The following KCNMA1 variants were observed in gnomAD, a reference collection of about 807,000 sequenced individuals.
KCNMA1 encodes the protein potassium calcium-activated channel subfamily M alpha 1.
KCNMA1 carries 29 observed loss-of-function variants against 140.0 expected under a neutral mutation model. That is an observed-to-expected ratio of 0.21 (90% confidence interval 0.15 to 0.28). The LOEUF (loss-of-function observed/expected upper bound fraction) is 0.28, where lower values mean the gene tolerates loss of function less well. Among genes scored for constraint, KCNMA1 ranks in the 10% least tolerant of loss-of-function variants. KCNMA1 has a pLI of 1.00. For missense variants in KCNMA1, 880 were observed against 1,602.2 expected, an observed-to-expected ratio of 0.55 and a Z score of 7.70; for synonymous variants, 612 against 611.9, an observed-to-expected ratio of 1.00 and a Z score of 0.00.
chr10:77,502,164 G>A (rs2044151884), intron 1 of KCNMA1, among the ~76,000 whole-genome samples: 1 of 152,158 alleles, frequency 6.6e-6, no homozygotes, highest in African/African-American at 2.4e-5. Flanking sequence ...AAACCTAACA[G>A]CTGGGGGCGC....
chr10:77,000,900 A>ATATATATATATATC (rs1412998914), intron 19 of KCNMA1, among the ~76,000 whole-genome samples: 2 of 128,780 alleles, frequency 1.6e-5, no homozygotes, highest in African/African-American at 5.8e-5. Flanking sequence ...ATATATATAT[A>ATATATATATATATC]TCCATCTGCA....
chr10:77,210,280 C>T (rs1482184162), intron 3 of KCNMA1, among the ~76,000 whole-genome samples: 15 of 152,028 alleles, frequency 9.9e-5, no homozygotes, highest in South Asian at 4.2e-4. Context: ...TCAATAAATG[C>T]GATTAGCATT....
intron 21 of KCNMA1, among the ~76,000 whole-genome samples, chr10:76,950,959 G>A (rs1235300877): frequency 6.6e-6 from 1 of 152,168 alleles, no homozygotes; most frequent in Non-Finnish European, 1.5e-5. Context: ...TATCTGGGCC[G>A]CACGGAAGTG....
intron 2 of KCNMA1, among the ~76,000 whole-genome samples, chr10:77,392,105 G>A (rs1286279598): frequency 6.8e-6 from 1 of 146,158 alleles, no homozygotes; most frequent in Non-Finnish European, 1.5e-5. Context: ...GAAGGAGGGA[G>A]GGAAGGACGG....
chr10:77,509,101 T>TTG (rs1555403179), intron 1 of KCNMA1, among the ~76,000 whole-genome samples: 5,892 of 119,010 alleles, frequency 0.05, 371 homozygotes, highest in African/African-American at 0.16. Context: ...TTTGTTGGGT[T>TTG]TTGTTGTTGT....
intron 25 of KCNMA1, among the ~76,000 whole-genome samples, chr10:76,894,405 T>C (rs1443651327): frequency 6.6e-6 from 1 of 152,192 alleles, no homozygotes; most frequent in Admixed American, 6.5e-5. Flanking sequence ...TAAGTCTTTA[T>C]GACCTTTGAT....
intron 1 of KCNMA1, among the ~76,000 whole-genome samples, chr10:77,463,011 C>T (rs1353152623): frequency 6.6e-6 from 1 of 152,136 alleles, no homozygotes; most frequent in Admixed American, 6.5e-5. Context: ...GCTGAAGGTC[C>T]TCCTGGGGTG....
intron 2 of KCNMA1, among the ~76,000 whole-genome samples, chr10:77,377,255 C>T (rs1382258263): frequency 6.6e-6 from 1 of 152,138 alleles, no homozygotes; most frequent in Non-Finnish European, 1.5e-5. Context: ...ACCTTCAGCC[C>T]ACAGGAGAAC....
intron 3 of KCNMA1, among the ~76,000 whole-genome samples, chr10:77,235,509 G>A (rs1216019474): frequency 6.6e-6 from 1 of 152,116 alleles, no homozygotes; most frequent in African/African-American, 2.4e-5. Context: ...TCTAACCAAA[G>A]GTCCATTATG....
intron 2 of KCNMA1, among the ~76,000 whole-genome samples, chr10:77,312,920 G>A (rs2079731602): frequency 6.6e-6 from 1 of 152,034 alleles, no homozygotes; most frequent in African/African-American, 2.4e-5. Flanking sequence ...TCTTGCTGGG[G>A]GACAAAATAA....
At chr10:77,386,309 G>A (rs529413075) in intron 2 of KCNMA1, among the ~76,000 whole-genome samples, 12 of 152,312 alleles carry the variant, frequency 7.9e-5, no homozygotes, top group African/African-American at 1.7e-4. Context: ...CCATAGTCCC[G>A]TTTGTTATAA....
chr10:77,117,421 C>T (rs1233833246), intron 6 of KCNMA1, among the ~76,000 whole-genome samples: 3 of 150,748 alleles, frequency 2.0e-5, no homozygotes, highest in African/African-American at 7.3e-5. Context: ...TGGTGGCAGG[C>T]ACCTGTAATC....
At chr10:77,481,562 C>A (rs1354605306) in intron 1 of KCNMA1, among the ~76,000 whole-genome samples, 1 of 152,038 alleles carries the variant, frequency 6.6e-6, no homozygotes, top group Non-Finnish European at 1.5e-5. Context: ...ATCACAAGGT[C>A]AGGAGATCGA....
intron 2 of KCNMA1, among the ~76,000 whole-genome samples, chr10:77,308,511 T>C (rs989508997): frequency 6.6e-6 from 1 of 152,226 alleles, no homozygotes; most frequent in Non-Finnish European, 1.5e-5. Flanking sequence ...TCATAATGCC[T>C]GCTGTGATTC....
intron 25 of KCNMA1, chr10:76,903,057 A>C (rs1016100064): frequency 6.6e-6 from 1 of 152,234 alleles, no homozygotes; most frequent in Non-Finnish European, 1.5e-5. Flanking sequence ...AAGGACACTG[A>C]GGAAACCATG....
intron 1 of KCNMA1, among the ~76,000 whole-genome samples, chr10:77,554,067 C>A (rs1262475039): frequency 6.6e-6 from 1 of 152,062 alleles, no homozygotes; most frequent in Non-Finnish European, 1.5e-5. Flanking sequence ...GAAGGAGAAG[C>A]CCACAGGGTT....
chr10:76,909,868 A>T, intron 25 of KCNMA1, 98 bp downstream of exon 25: 1 of 1,307,322 alleles, frequency 7.6e-7, no homozygotes, highest in Non-Finnish European at 1.1e-6. Flanking sequence ...CTTGCTCTCC[A>T]CTGTGGCCCC....
intron 13 of KCNMA1, among the ~76,000 whole-genome samples, chr10:77,075,476 C>T (rs1359126314): frequency 6.6e-6 from 1 of 152,172 alleles, no homozygotes; most frequent in African/African-American, 2.4e-5. Flanking sequence ...TTCATGGCAC[C>T]TTCAAACAAA....
Position 76,891,723 on chromosome 10 carries a change from G to T in KCNMA1, c.3148-4C>A. The stretch of plus-strand genomic sequence containing the variant: ...GGATATTGTCATTGAAGTACGTCTG[G>T]GGAAGGAGAGAAAGTGAGGGAAAAG... On this transcript the variant is annotated splice_region_variant and splice_polypyrimidine_tract_variant and intron_variant, in intron 25 of 27. Coordinates refer to ENST00000286628, the MANE Select transcript of KCNMA1 (RefSeq NM_001161352.2). 1 of 1,612,956 alleles carries T rather than the reference G, an allele frequency of 6.2e-7. No homozygotes were observed. The highest frequency in any genetic ancestry group is 1.1e-5 in the South Asian group (1 of 91,048).
Sources: allele counts gnomAD v4.1 joint callset (sites outside exome capture counted in the v4.1 genomes callset), GRCh38; gene constraint gnomAD v4.1.1; transcripts MANE v1.5; gene names NCBI Gene and HGNC (gene_info 2026-07-23, HGNC 2026-07-21).